GNAI1: variants seen among roughly 807,000 people sequenced by gnomAD.
GNAI1 encodes G protein subunit alpha i1.
A neutral mutation model predicts 38.9 loss-of-function variants in GNAI1; 11 were observed. The ratio of observed to expected loss-of-function variants is 0.28; its 90% CI spans 0.18 to 0.47. The LOEUF is 0.47. Among genes scored for constraint, GNAI1 ranks in the 20% least tolerant of loss-of-function variants. The pLI is 0.99. For synonymous variants in GNAI1, 166 were observed against 145.1 expected (o/e 1.14, Z -1.04); for missense variants, 317 against 436.9 (o/e 0.73, Z 2.45).
intron 1 of GNAI1, among the ~76,000 whole-genome samples, chr7:80,162,446 G>C (rs1787940876): frequency 6.6e-6 from 1 of 152,152 alleles, no homozygotes; most frequent in South Asian, 2.1e-4. Context: ...TACTCTTCTA[G>C]AAATGTGCTT....
intron 1 of GNAI1, among the ~76,000 whole-genome samples, chr7:80,184,833 A>G (rs1039309803): frequency 6.6e-6 from 1 of 152,154 alleles, no homozygotes; most frequent in East Asian, 1.9e-4. Flanking sequence ...CCACTGGCCA[A>G]CCATAACCAT....
chr7:80,185,791 T>C (rs1255939510), intron 1 of GNAI1, among the ~76,000 whole-genome samples: 1 of 152,148 alleles, frequency 6.6e-6, no homozygotes, highest in Admixed American at 6.5e-5. Flanking sequence ...TCCTGTATGC[T>C]ATATGGAGAA....
At chr7:80,145,350 AT>A (rs1213792432) in intron 1 of GNAI1, among the ~76,000 whole-genome samples, 1 of 152,090 alleles carries the variant, frequency 6.6e-6, no homozygotes, top group Admixed American at 6.6e-5. Flanking sequence ...CAATCTATAT[AT>A]TTTTTAAAGA....
At chr7:80,154,218 A>G (rs1006788434) in intron 1 of GNAI1, among the ~76,000 whole-genome samples, 4 of 152,190 alleles carry the variant, frequency 2.6e-5, no homozygotes, top group Non-Finnish European at 4.4e-5. Flanking sequence ...GCCACTGTGC[A>G]TGGCCACTGA....
intron 1 of GNAI1, among the ~76,000 whole-genome samples, chr7:80,173,571 A>G (rs965075822): frequency 2.0e-5 from 3 of 151,846 alleles, no homozygotes; most frequent in African/African-American, 7.2e-5. Context: ...CCCTTCTGCT[A>G]TGCTCCCCAA....
At chr7:80,173,093 G>A (rs1191361543) in intron 1 of GNAI1, among the ~76,000 whole-genome samples, 1 of 152,082 alleles carries the variant, frequency 6.6e-6, no homozygotes, top group African/African-American at 2.4e-5. Flanking sequence ...GATGGGTACT[G>A]GTACCACTTC....
At chr7:80,163,098 G>A (rs186205138) in intron 1 of GNAI1, among the ~76,000 whole-genome samples, 55 of 152,252 alleles carry the variant, frequency 3.6e-4, no homozygotes, top group Non-Finnish European at 6.5e-4. Flanking sequence ...GGTTTCATCT[G>A]TCTATCTGGG....
intron 1 of GNAI1, among the ~76,000 whole-genome samples, chr7:80,173,838 T>C (rs549487400): frequency 6.6e-6 from 1 of 152,322 alleles, no homozygotes; most frequent in South Asian, 2.1e-4. Context: ...TCTCCTACGC[T>C]ATATTGGTCC....
intron 5 of GNAI1, among the ~76,000 whole-genome samples, chr7:80,204,481 T>C (rs1024136403): frequency 1.3e-5 from 2 of 152,108 alleles, no homozygotes; most frequent in African/African-American, 4.8e-5. Context: ...TAGTAAAATA[T>C]CATATTCAAA....
intron 1 of GNAI1, among the ~76,000 whole-genome samples, chr7:80,182,767 T>C (rs1247142613): frequency 7.2e-5 from 11 of 152,176 alleles, no homozygotes. Context: ...CCTTTATACA[T>C]TACAGCCTAT....
chr7:80,183,995 C>T (rs1007114088), intron 1 of GNAI1, among the ~76,000 whole-genome samples: 1 of 152,088 alleles, frequency 6.6e-6, no homozygotes, highest in African/African-American at 2.4e-5. Context: ...TTGTCCTCAG[C>T]ACAGTCTTAT....
intron 1 of GNAI1, among the ~76,000 whole-genome samples, chr7:80,188,074 AAC>A (rs1186288099): frequency 4.0e-5 from 6 of 151,882 alleles, no homozygotes; most frequent in African/African-American, 1.4e-4. Context: ...AAGATGAAAA[AAC>A]ACTTTTTATT....
At chr7:80,203,044 CAAGAT>C (rs1426259599) in intron 4 of GNAI1, among the ~76,000 whole-genome samples, 4 of 152,168 alleles carry the variant, frequency 2.6e-5, no homozygotes, top group African/African-American at 9.7e-5. Context: ...TAATTTGACA[CAAGAT>C]AACTTAATCT....
Position 80,140,395 on chromosome 7 carries a change from C to CTGTAA in GNAI1, c.118+5119_118+5123dup, listed in dbSNP as rs558224418. Reference sequence around the variant, plus strand: ...TGTTATTTAAACCTGAAAAAGACTGCTGTAATTTTTTAAACAGAAATTGTG... The same window carrying CTGTAA: ...TGTTATTTAAACCTGAAAAAGACTGCTGTAATGTAATTTTTTAAACAGAAATTGTG... On this transcript the variant is annotated intron_variant, in intron 1 of 7. Transcript: ENST00000649796. Among the ~76,000 whole-genome samples the CTGTAA allele has an allele frequency of 2.4e-4, 37 of 152,334 alleles. 1 individual carries two copies. In the East Asian group the frequency reaches 7.1e-3, roughly 29 times the overall value.
At chr7:80,202,885 T>A (rs1447952446) in intron 4 of GNAI1, among the ~76,000 whole-genome samples, 2 of 152,198 alleles carry the variant, frequency 1.3e-5, no homozygotes, top group East Asian at 1.9e-4. Context: ...TTACAGCTTC[T>A]CCTGGGGCAG....
chr7:80,199,097 T>C (rs1290002828), intron 3 of GNAI1, 128 bp from the exon 4 acceptor site: 1 of 612,380 alleles, frequency 1.6e-6, no homozygotes, highest in East Asian at 2.8e-5. Context: ...AGAAAAGTAA[T>C]GACGTGTTAA....
At chr7:80,161,710 A>G (rs1251171204) in intron 1 of GNAI1, among the ~76,000 whole-genome samples, 1 of 152,206 alleles carries the variant, frequency 6.6e-6, no homozygotes, top group East Asian at 1.9e-4. Context: ...TGGGAGCTCC[A>G]CAACTCAAAA....
chr7:80,160,401 T>C (rs566062534), intron 1 of GNAI1, among the ~76,000 whole-genome samples: 1 of 152,130 alleles, frequency 6.6e-6, no homozygotes, highest in African/African-American at 2.4e-5. Flanking sequence ...AGAAGAACTG[T>C]TAGGCTCAAT....
At chr7:80,176,740 C>G (rs1438211025) in intron 1 of GNAI1, among the ~76,000 whole-genome samples, 4 of 151,826 alleles carry the variant, frequency 2.6e-5, no homozygotes, top group Non-Finnish European at 4.4e-5. Context: ...AGTTCGAGAC[C>G]AGCCTGGCCA....
Sources: allele counts gnomAD v4.1 joint callset (sites outside exome capture counted in the v4.1 genomes callset), GRCh38; gene constraint gnomAD v4.1.1; transcripts MANE v1.5; gene names NCBI Gene and HGNC (gene_info 2026-07-23, HGNC 2026-07-21).